The following PARD3 variants were observed in gnomAD, a reference collection of about 807,000 sequenced individuals.
PARD3 encodes the protein par-3 family cell polarity regulator, also known as partitioning defective 3 homolog.
In PARD3, 75 loss-of-function variants were observed where a neutral mutation model predicts 155.4. The ratio of observed to expected loss-of-function variants is 0.48; its 90% confidence interval spans 0.40 to 0.58. PARD3 has a LOEUF of 0.58. PARD3 is among the 20% of genes least tolerant of loss of function. PARD3 has a pLI of 0.00. For missense variants in PARD3, 1,642 were observed against 1,721.7 expected, an observed-to-expected ratio of 0.95 and a Z score of 0.82; for synonymous variants, 576 against 610.5, an observed-to-expected ratio of 0.94 and a Z score of 0.83.
At chr10:34,465,507 C>T (rs2077955400) in intron 4 of PARD3, among the ~76,000 whole-genome samples, 1 of 152,104 alleles carries the variant, frequency 6.6e-6, no homozygotes, top group South Asian at 2.1e-4. Flanking sequence ...AGCAAACATG[C>T]TAAGCAACTA....
chr10:34,325,685 G>A (rs1252116744), intron 19 of PARD3, among the ~76,000 whole-genome samples: 1 of 152,122 alleles, frequency 6.6e-6, no homozygotes, highest in East Asian at 1.9e-4. Flanking sequence ...TACACACTCT[G>A]CAGTAGTTTT....
intron 3 of PARD3, among the ~76,000 whole-genome samples, chr10:34,506,534 C>T (rs947667581): frequency 1.2e-4 from 18 of 152,176 alleles, no homozygotes; most frequent in African/African-American, 4.3e-4. Context: ...AAAGAATTCC[C>T]GGGCAACGCA....
intron 2 of PARD3, among the ~76,000 whole-genome samples, chr10:34,617,005 T>C (rs142156047): frequency 0.014 from 2,077 of 150,830 alleles, 56 homozygotes; most frequent in African/African-American, 0.047. Flanking sequence ...CATGTAATCG[T>C]AGCACTTTAG....
chr10:34,301,823 T>TTC (rs1554826243), intron 20 of PARD3, among the ~76,000 whole-genome samples: 3 of 122,966 alleles, frequency 2.4e-5, no homozygotes, highest in South Asian at 2.4e-4. Flanking sequence ...CCTTTCTTTT[T>TTC]TTTTTTTTTT....
At chr10:34,130,959 C>G (rs772390815) in intron 23 of PARD3, among the ~76,000 whole-genome samples, 9 of 152,110 alleles carry the variant, frequency 5.9e-5, no homozygotes, top group Non-Finnish European at 8.8e-5. Flanking sequence ...ACTCTGGTGG[C>G]TGAGGTAGGA....
rs144307877 is a variant in PARD3 at position 34,801,015 on chromosome 10, T to C, written c.120+13861A>G. ...CCCCCTATCAAAACACTCTAAGATC[T>C]GTCAAAAATTCTCCGAATTATTTCT... On this transcript the variant is annotated intron_variant, in intron 1 of 24. Transcript: ENST00000374788. Among the ~76,000 whole-genome samples, 3 of 152,352 alleles carry C rather than the reference T, an allele frequency of 2.0e-5. No individual in the cohort carries two copies. The East Asian group carries it at 5.8e-4, about 29-fold the overall frequency.
chr10:34,698,880 A>AT (rs1564522142), intron 1 of PARD3, among the ~76,000 whole-genome samples: 1 of 152,084 alleles, frequency 6.6e-6, no homozygotes, highest in Non-Finnish European at 1.5e-5. Context: ...TTCACAGCAA[A>AT]TTTTTTTTAA....
chr10:34,364,247 A>G (rs1839742950), intron 12 of PARD3, among the ~76,000 whole-genome samples: 1 of 152,228 alleles, frequency 6.6e-6, no homozygotes, highest in South Asian at 2.1e-4. Flanking sequence ...TGTACAAAAT[A>G]TTGTGAAGAG....
intron 21 of PARD3, among the ~76,000 whole-genome samples, chr10:34,277,035 C>T (rs1374343175): frequency 2.6e-5 from 4 of 152,150 alleles, no homozygotes; most frequent in Non-Finnish European, 5.9e-5. Flanking sequence ...CAGGATCTTG[C>T]AATCAACTCT....
intron 1 of PARD3, among the ~76,000 whole-genome samples, chr10:34,805,690 T>G: frequency 6.6e-6 from 1 of 151,126 alleles, no homozygotes; most frequent in African/African-American, 2.4e-5. Context: ...AATAAGAAAT[T>G]CTGGGGCCGG....
chr10:34,744,245 T>G (rs1424024555), intron 1 of PARD3, among the ~76,000 whole-genome samples: 1 of 152,250 alleles, frequency 6.6e-6, no homozygotes, highest in Non-Finnish European at 1.5e-5. Flanking sequence ...TTAGCCATTA[T>G]CCATGCAAAT....
intron 2 of PARD3, among the ~76,000 whole-genome samples, chr10:34,622,084 T>C (rs1322825556): frequency 6.6e-6 from 1 of 152,228 alleles, no homozygotes; most frequent in Non-Finnish European, 1.5e-5. Flanking sequence ...ATTATTTTAC[T>C]TAAATCAAGC....
intron 2 of PARD3, among the ~76,000 whole-genome samples, chr10:34,648,393 C>T (rs2092908908): frequency 6.6e-6 from 1 of 152,162 alleles, no homozygotes; most frequent in Non-Finnish European, 1.5e-5. Flanking sequence ...CTTGGAGTCT[C>T]TCAGAAGACC....
At chr10:34,267,903 G>A (rs968225885) in intron 22 of PARD3, among the ~76,000 whole-genome samples, 8 of 152,096 alleles carry the variant, frequency 5.3e-5, no homozygotes, top group African/African-American at 1.9e-4. Context: ...AGCCCTCCAG[G>A]AGATTCTGAC....
At chr10:34,259,431 C>T (rs1316720983) in intron 22 of PARD3, among the ~76,000 whole-genome samples, 1 of 152,142 alleles carries the variant, frequency 6.6e-6, no homozygotes, top group Non-Finnish European at 1.5e-5. Flanking sequence ...CATCCCTTGG[C>T]TCATGGTCCC....
intron 2 of PARD3, among the ~76,000 whole-genome samples, chr10:34,692,358 G>A (rs1157362548): frequency 2.0e-5 from 3 of 152,078 alleles, no homozygotes; most frequent in Non-Finnish European, 4.4e-5. Flanking sequence ...GAGACTTCAT[G>A]ATGAAGACAG....
chr10:34,706,570 C>T (rs374841498), intron 1 of PARD3, among the ~76,000 whole-genome samples: 3 of 152,172 alleles, frequency 2.0e-5, no homozygotes, highest in African/African-American at 7.2e-5. Flanking sequence ...TGGCAAGACC[C>T]TGTCTCTATA....
At chr10:34,489,437 T>C (rs562661026) in intron 3 of PARD3, among the ~76,000 whole-genome samples, 9 of 152,310 alleles carry the variant, frequency 5.9e-5, no homozygotes, top group Admixed American at 2.6e-4. Flanking sequence ...AGGGGGAGTA[T>C]GACGGAAGCA....
intron 5 of PARD3, among the ~76,000 whole-genome samples, chr10:34,423,800 C>T (rs1169477635): frequency 6.6e-6 from 1 of 152,100 alleles, no homozygotes; most frequent in African/African-American, 2.4e-5. Context: ...TCAAATTATG[C>T]AACAACTACC....
Sources: allele counts gnomAD v4.1 joint callset (sites outside exome capture counted in the v4.1 genomes callset), GRCh38; gene constraint gnomAD v4.1.1; transcripts MANE v1.5; gene names NCBI Gene and HGNC (gene_info 2026-07-23, HGNC 2026-07-21).